Variants in TRIM61 observed in about 807,000 individuals in gnomAD.
TRIM61 encodes the protein putative tripartite motif-containing protein 61.
In TRIM61, 1 loss-of-function variant was observed where a neutral mutation model predicts 14.2. That is an observed-to-expected ratio of 0.07 (90% CI 0.03 to 0.33). The LOEUF (loss-of-function observed/expected upper bound fraction) is 0.33. Ranked by LOEUF, TRIM61 falls within the 10% of genes least tolerant of loss-of-function variation. TRIM61 has a pLI of 0.99. For synonymous variants in TRIM61, 8 were observed against 71.6 expected, an observed-to-expected ratio of 0.11 and a Z score of 4.49; for missense variants, 19 against 202.2, an observed-to-expected ratio of 0.09 and a Z score of 5.49.
chr4:164,960,703 C>T (rs1732113216), intron 3 of TRIM61, among the ~76,000 whole-genome samples: 1 of 152,150 alleles, frequency 6.6e-6, no homozygotes, highest in Non-Finnish European at 1.5e-5. Context: ...ATAATCCCAT[C>T]ACTTTGGGAG....
chr4:164,974,221 T>C (rs182554715), intron 2 of TRIM61, among the ~76,000 whole-genome samples: 2 of 152,322 alleles, frequency 1.3e-5, no homozygotes, highest in South Asian at 2.1e-4. Context: ...GCTTATAAGG[T>C]TGCTAGTCCT....
At chr4:164,963,744 CAAAAAAAA>C (rs70952672) in intron 3 of TRIM61, among the ~76,000 whole-genome samples, 1 of 117,116 alleles carries the variant, frequency 8.5e-6, no homozygotes, top group Non-Finnish European at 1.8e-5. Flanking sequence ...AACTCTGTTT[CAAAAAAAA>C]AAAAAAAAAG....
intron 3 of TRIM61, chr4:164,958,650 G>T (rs762402953): frequency 6.0e-6 from 1 of 166,990 alleles, no homozygotes; most frequent in African/African-American, 2.4e-5. Flanking sequence ...AAATTGTAAA[G>T]TACTTTTGAT....
chr4:164,961,198 G>GA (rs1249294833), intron 3 of TRIM61, among the ~76,000 whole-genome samples: 3 of 63,912 alleles, frequency 4.7e-5, no homozygotes, highest in African/African-American at 1.2e-4. Context: ...AAAAAAGAAA[G>GA]AAAAATAACA....
At chr4:164,964,335 G>A (rs565355654) in intron 3 of TRIM61, among the ~76,000 whole-genome samples, 5 of 143,900 alleles carry the variant, frequency 3.5e-5, no homozygotes, top group African/African-American at 8.0e-5. Context: ...GTGACAGAGC[G>A]AGACTCTGTC....
At chr4:164,973,110 C>T (rs1732405723) in intron 2 of TRIM61, among the ~76,000 whole-genome samples, 1 of 152,112 alleles carries the variant, frequency 6.6e-6, no homozygotes, top group Non-Finnish European at 1.5e-5. Context: ...GAGACTCAGC[C>T]CAAGACACAT....
intron 2 of TRIM61, among the ~76,000 whole-genome samples, chr4:164,971,163 T>C (rs1160907785): frequency 6.6e-6 from 1 of 152,134 alleles, no homozygotes; most frequent in East Asian, 1.9e-4. Flanking sequence ...GTGTATCACA[T>C]AATGTTGTAC....
chr4:164,963,269 G>A (rs1049207334), intron 3 of TRIM61, among the ~76,000 whole-genome samples: 2 of 152,194 alleles, frequency 1.3e-5, no homozygotes, highest in Admixed American at 6.5e-5. Flanking sequence ...TGAAGTCCAT[G>A]GTGGGTGGAT....
intron 2 of TRIM61, among the ~76,000 whole-genome samples, chr4:164,971,706 T>C (rs531451209): frequency 1.2e-4 from 19 of 152,250 alleles, no homozygotes; most frequent in African/African-American, 4.3e-4. Context: ...TTCTGTAAGT[T>C]TGACACTTTC....
chr4:164,974,731 G>T (rs192542622), intron 2 of TRIM61, among the ~76,000 whole-genome samples: 30 of 152,126 alleles, frequency 2.0e-4, no homozygotes, highest in Admixed American at 1.9e-3. Context: ...GGAAAAGAAA[G>T]AAAAGAAATA....
At chr4:164,960,815 G>A (rs759845190) in intron 3 of TRIM61, among the ~76,000 whole-genome samples, 2 of 151,984 alleles carry the variant, frequency 1.3e-5, no homozygotes, top group South Asian at 4.1e-4. Context: ...GCTGGGCGTG[G>A]TGACACATGC....
intron 3 of TRIM61, among the ~76,000 whole-genome samples, chr4:164,962,730 T>TA (rs1732164589): frequency 6.8e-6 from 1 of 146,414 alleles, no homozygotes; most frequent in Non-Finnish European, 1.5e-5. Flanking sequence ...AAAGGAATAT[T>TA]ATATATGTCA....
intron 2 of TRIM61, among the ~76,000 whole-genome samples, chr4:164,974,429 G>A (rs1402641198): frequency 1.3e-5 from 2 of 152,134 alleles, no homozygotes; most frequent in Non-Finnish European, 2.9e-5. Context: ...CGAAAATACA[G>A]TATTCCTGGG....
intron 2 of TRIM61, among the ~76,000 whole-genome samples, chr4:164,972,291 T>C (rs530033355): frequency 6.6e-6 from 1 of 152,212 alleles, no homozygotes; most frequent in African/African-American, 2.4e-5. Context: ...TAACAACCTC[T>C]TTTTCTTATA....
chr4:164,974,703 A>C (rs964807434), intron 2 of TRIM61, among the ~76,000 whole-genome samples: 4 of 152,068 alleles, frequency 2.6e-5, no homozygotes, highest in Non-Finnish European at 5.9e-5. Flanking sequence ...AACATGGCAA[A>C]ATCCCATCTC....
chr4:164,965,203 G>A (rs941852675), intron 3 of TRIM61, among the ~76,000 whole-genome samples: 2 of 152,210 alleles, frequency 1.3e-5, no homozygotes, highest in East Asian at 1.9e-4. Flanking sequence ...CGTGAGAGTC[G>A]CTTGAATCCG....
intron 3 of TRIM61, chr4:164,957,467 T>C (rs755149580): frequency 5.0e-6 from 8 of 1,613,542 alleles, no homozygotes; most frequent in Non-Finnish European, 6.8e-6. Context: ...TGCAGTGGGC[T>C]GGCTCCCGCT....
intron 3 of TRIM61, chr4:164,968,569 A>T: frequency 1.0e-6 from 1 of 985,852 alleles, no homozygotes; most frequent in East Asian, 1.1e-4. Context: ...GGTGAAAGAA[A>T]CTGAGTCTTC....
intron 3 of TRIM61, among the ~76,000 whole-genome samples, chr4:164,962,174 C>G (rs1732150475): frequency 1.3e-5 from 2 of 151,114 alleles, no homozygotes; most frequent in Admixed American, 1.3e-4. Context: ...AGAATTACAA[C>G]AGACCTCTCA....
Sources: gnomAD v4.1 joint callset for allele counts (sites outside exome capture counted in the v4.1 genomes callset) on GRCh38, gnomAD v4.1.1 for gene constraint, MANE v1.5 for transcripts, NCBI Gene and HGNC (gene_info 2026-07-23, HGNC 2026-07-21) for gene names.